Variants in KCNAB1 observed in about 807,000 individuals in gnomAD.
The protein encoded by KCNAB1 is potassium voltage-gated channel subfamily A regulatory beta subunit 1, also known as voltage-gated potassium channel subunit beta-1.
A neutral mutation model predicts 64.6 loss-of-function variants in KCNAB1; 35 were observed. The ratio of observed to expected loss-of-function variants is 0.54; its 90% CI spans 0.41 to 0.72. The LOEUF (loss-of-function observed/expected upper bound fraction) is 0.72. Ranked by LOEUF, KCNAB1 falls within the 30% of genes least tolerant of loss-of-function variation. The pLI is 0.00. For missense variants in KCNAB1, 401 were observed against 512.9 expected (o/e 0.78, Z 2.11); for synonymous variants, 177 against 183.8 (o/e 0.96, Z 0.30).
intron 1 of KCNAB1, among the ~76,000 whole-genome samples, chr3:156,269,289 T>C (rs1718896166): frequency 6.6e-6 from 1 of 152,210 alleles, no homozygotes; most frequent in African/African-American, 2.4e-5. Context: ...CATGTGTTTG[T>C]ATAGTTTCCA....
At chr3:156,489,173 T>C (rs1359624209) in intron 8 of KCNAB1, among the ~76,000 whole-genome samples, 1 of 152,040 alleles carries the variant, frequency 6.6e-6, no homozygotes, top group Non-Finnish European at 1.5e-5. Context: ...TGCATGCGAA[T>C]GGTATTTCAA....
At chr3:156,288,442 A>G (rs537929190) in intron 1 of KCNAB1, among the ~76,000 whole-genome samples, 1 of 152,314 alleles carries the variant, frequency 6.6e-6, no homozygotes, top group East Asian at 1.9e-4. Context: ...ACTCTTCCCA[A>G]TCTTATGATG....
rs1712065981 is a variant in KCNAB1 at position 156,452,271 on chromosome 3, T to C, written c.320-628T>C. Among the ~76,000 whole-genome samples, 1 of 152,172 alleles carries C rather than the reference T, an allele frequency of 6.6e-6. No homozygotes were observed. The highest frequency in any genetic ancestry group is 2.4e-5 in the African/African-American group (1 of 41,440). On this transcript the variant is annotated intron_variant, in intron 2 of 13. Coordinates refer to ENST00000490337, the MANE Select transcript of KCNAB1 (RefSeq NM_172160.3). The surrounding 1 kb of genome is among the most constrained non-coding windows in gnomAD (Gnocchi z 4.6). ...GTTTCAAACGTCTTTGGCTGCTGAG[T>C]GTGCATCTCTCCCCTTGCCTTCCCA...
chr3:156,501,422 CTTTTTTTTTT>C (rs34628325), intron 8 of KCNAB1, among the ~76,000 whole-genome samples: 1 of 82,524 alleles, frequency 1.2e-5, no homozygotes, highest in Non-Finnish European at 2.3e-5. Context: ...GACTTAGTAC[CTTTTTTTTTT>C]TTTTTTTTTT....
chr3:156,312,731 A>AAAAAAAAAAAC (rs1722007557), intron 1 of KCNAB1, among the ~76,000 whole-genome samples: 15 of 144,614 alleles, frequency 1.0e-4, no homozygotes, highest in African/African-American at 3.2e-4. Flanking sequence ...AAAAAAAAAA[A>AAAAAAAAAAAC]CTCATAATAA....
At chr3:156,290,517 A>G (rs1388682704) in intron 1 of KCNAB1, among the ~76,000 whole-genome samples, 1 of 152,204 alleles carries the variant, frequency 6.6e-6, no homozygotes, top group Non-Finnish European at 1.5e-5. Context: ...GTTCAGTCAC[A>G]TTTATTGAGC....
Position 156,248,241 on chromosome 3 carries a change from C to T in KCNAB1, c.275+127355C>T, listed in dbSNP as rs138106926. ...GTGATGTTTACTAATTGCAATGTAG[C>T]ATTGTTGCTTTAACTGTTCTGTTTT... On this transcript the variant is annotated intron_variant, in intron 1 of 13. Coordinates refer to ENST00000490337, the MANE Select transcript of KCNAB1 (RefSeq NM_172160.3). 4.2e-3 allele frequency among the ~76,000 whole-genome samples: 636 copies of T among 152,248 alleles called. 7 individuals carry two copies. Among genetic ancestry groups the T allele is most frequent in the African/African-American group, 0.014 (601 of 41,562 alleles).
At chr3:156,278,332 C>A (rs562324576) in intron 1 of KCNAB1, among the ~76,000 whole-genome samples, 1 of 152,252 alleles carries the variant, frequency 6.6e-6, no homozygotes, top group African/African-American at 2.4e-5. Flanking sequence ...ATGTGGGAAG[C>A]TCCTCCAGAG....
intron 1 of KCNAB1, among the ~76,000 whole-genome samples, chr3:156,203,332 T>A (rs996395346): frequency 2.6e-5 from 4 of 152,218 alleles, no homozygotes; most frequent in African/African-American, 9.6e-5. Flanking sequence ...TTAGATAGCA[T>A]AGAAATGCTT....
chr3:156,131,158 A>G (rs1431311028), intron 1 of KCNAB1, among the ~76,000 whole-genome samples: 5 of 152,188 alleles, frequency 3.3e-5, no homozygotes, highest in African/African-American at 1.2e-4. Context: ...ATGTCCTGCC[A>G]GGGATTTTTA....
chr3:156,332,363 A>G (rs1213201865), intron 1 of KCNAB1, among the ~76,000 whole-genome samples: 2 of 152,232 alleles, frequency 1.3e-5, no homozygotes, highest in East Asian at 1.9e-4. Flanking sequence ...TAGTCATCCA[A>G]TTTCTTTTCA....
At chr3:156,236,842 G>A (rs1399737977) in intron 1 of KCNAB1, among the ~76,000 whole-genome samples, 2 of 152,044 alleles carry the variant, frequency 1.3e-5, no homozygotes, top group Non-Finnish European at 2.9e-5. Context: ...CCCAGTCTAA[G>A]GCTGTAGGAT....
intron 2 of KCNAB1, among the ~76,000 whole-genome samples, chr3:156,428,533 A>ACACACC (rs59772816): frequency 9.1e-5 from 13 of 143,150 alleles, no homozygotes; most frequent in African/African-American, 2.6e-4. Context: ...ACACACACAC[A>ACACACC]CCCTATTGGT....
At chr3:156,432,287 A>C (rs1371321111) in intron 2 of KCNAB1, among the ~76,000 whole-genome samples, 1 of 152,182 alleles carries the variant, frequency 6.6e-6, no homozygotes, top group African/African-American at 2.4e-5. Context: ...AATTTGCCTA[A>C]TTGACGAAAT....
chr3:156,474,798 G>A lies in KCNAB1; in HGVS notation c.636G>A (p.Pro212=), dbSNP rs143939458. 297 of 1,612,620 alleles carry A rather than the reference G, an allele frequency of 1.8e-4. No individual in the cohort carries two copies. The highest frequency in any genetic ancestry group is 3.3e-4 in the Middle Eastern group (2 of 6,076). The change falls in exon 8 of 14, where the codon CCG becomes CCA. Residue 212 remains proline (P), a synonymous_variant. Transcript: ENST00000490337. ...EYVDVVFANR[P]DSNTPMEEIV... ...TGGATGTGGTCTTTGCAAATCGACC[G>A]GACAGTAACACTCCCATGGAAGGTA...
chr3:156,211,989 A>G (rs954420358), intron 1 of KCNAB1, among the ~76,000 whole-genome samples: 8 of 152,198 alleles, frequency 5.3e-5, no homozygotes, highest in African/African-American at 1.9e-4. Flanking sequence ...ATGTGGCTGC[A>G]CAGAGAGTTT....
intron 1 of KCNAB1, among the ~76,000 whole-genome samples, chr3:156,404,864 A>G (rs1714144699): frequency 6.6e-6 from 1 of 152,228 alleles, no homozygotes; most frequent in Admixed American, 6.5e-5. Flanking sequence ...CTTCATGCAA[A>G]ACAATTTGAT....
chr3:156,230,307 T>G (rs139292620), intron 1 of KCNAB1, among the ~76,000 whole-genome samples: 1 of 152,340 alleles, frequency 6.6e-6, no homozygotes, highest in African/African-American at 2.4e-5. Flanking sequence ...CTTACCATTG[T>G]GTTACAATTG....
chr3:156,184,593 A>G (rs1045051824), intron 1 of KCNAB1, among the ~76,000 whole-genome samples: 6 of 152,202 alleles, frequency 3.9e-5, no homozygotes, highest in Non-Finnish European at 7.4e-5. Context: ...CCAAAATGGC[A>G]TGAGTTCAAG....
Sources: allele counts gnomAD v4.1 joint callset (sites outside exome capture counted in the v4.1 genomes callset), GRCh38; gene constraint gnomAD v4.1.1; non-coding constraint Gnocchi (gnomAD v3.1); transcripts MANE v1.5; gene names NCBI Gene and HGNC (gene_info 2026-07-23, HGNC 2026-07-21).